Variants in CTNNA3 observed in about 807,000 individuals in gnomAD.
The protein encoded by CTNNA3 is catenin alpha-3.
Under a neutral mutation model 95.7 loss-of-function variants are expected in CTNNA3, and 76 were observed. The observed-to-expected ratio is 0.79, with a 90% CI of 0.66 to 0.96. The LOEUF (loss-of-function observed/expected upper bound fraction) is 0.96. Among genes scored for constraint, CTNNA3 ranks in the 40% least tolerant of loss-of-function variants. CTNNA3 has a pLI of 0.00. For synonymous variants in CTNNA3, 431 were observed against 374.4 expected (o/e 1.15, Z -1.74); for missense variants, 1,191 against 1,089.8 (o/e 1.09, Z -1.31).
intron 2 of CTNNA3, among the ~76,000 whole-genome samples, chr10:67,625,555 G>T (rs1415969544): frequency 6.6e-6 from 1 of 152,018 alleles, no homozygotes; most frequent in Non-Finnish European, 1.5e-5. Context: ...TAAATAAATT[G>T]GCTATACTTA....
At chr10:66,896,882 G>C (rs1250244020) in intron 7 of CTNNA3, among the ~76,000 whole-genome samples, 2 of 152,114 alleles carry the variant, frequency 1.3e-5, no homozygotes, top group African/African-American at 4.8e-5. Context: ...TGTGTTCCTT[G>C]TTGCGCTCCT....
At chr10:67,718,130 G>A (rs1356996083) in intron 1 of CTNNA3, among the ~76,000 whole-genome samples, 2 of 152,168 alleles carry the variant, frequency 1.3e-5, no homozygotes, top group African/African-American at 2.4e-5. Flanking sequence ...TGTTATTGGT[G>A]TATAGAAATG....
At chr10:65,946,717 G>A (rs943298646) in intron 17 of CTNNA3, among the ~76,000 whole-genome samples, 13 of 151,916 alleles carry the variant, frequency 8.6e-5, no homozygotes, top group Admixed American at 2.0e-4. Context: ...CAAATCTTTG[G>A]CATCTATTGT....
At chr10:67,394,795 T>G (rs1404216043) in intron 5 of CTNNA3, among the ~76,000 whole-genome samples, 1 of 152,102 alleles carries the variant, frequency 6.6e-6, no homozygotes, top group Non-Finnish European at 1.5e-5. Flanking sequence ...GCATTTTTTT[T>G]TATTACTACA....
At chr10:66,532,141 A>G (rs1841487404) in intron 10 of CTNNA3, among the ~76,000 whole-genome samples, 1 of 152,224 alleles carries the variant, frequency 6.6e-6, no homozygotes, top group African/African-American at 2.4e-5. Context: ...AGTGTGTTTC[A>G]TATAATAAGA....
At chr10:67,726,323 TATCTTAC>T (rs1841216001) in intron 1 of CTNNA3, among the ~76,000 whole-genome samples, 2 of 71,528 alleles carry the variant, frequency 2.8e-5, no homozygotes, top group South Asian at 1.3e-3. Context: ...TTATATATAT[TATCTTAC>T]ATATTATATA....
intron 4 of CTNNA3, among the ~76,000 whole-genome samples, chr10:67,527,711 T>C (rs181103839): frequency 6.6e-6 from 1 of 152,256 alleles, no homozygotes; most frequent in Non-Finnish European, 1.5e-5. Flanking sequence ...TCCTGAAGAC[T>C]GAGCACAATC....
intron 11 of CTNNA3, among the ~76,000 whole-genome samples, chr10:66,488,267 A>T (rs1839807262): frequency 6.6e-6 from 1 of 152,332 alleles, no homozygotes; most frequent in South Asian, 2.1e-4. Flanking sequence ...TTACCTTTAT[A>T]GTTAGCGATA....
rs540119245 is a variant in CTNNA3, at chr10:66,508,362, T to C, written c.1531+12255A>G. Among the ~76,000 whole-genome samples, 6 of 152,080 alleles carry C rather than the reference T, an allele frequency of 3.9e-5. 1 individual carries two copies. The South Asian group carries it at 1.2e-3, about 32-fold the overall frequency. On this transcript the variant is annotated intron_variant, in intron 11 of 17. Transcript: ENST00000433211. ...CGGCGTTCACTTCAGAAGGTACTTT[T>C]TAACTGCTCAGTTTTTGACTATTTT... is the stretch of plus-strand genomic sequence containing the variant.
At chr10:66,751,825 A>G (rs1839152582) in intron 9 of CTNNA3, among the ~76,000 whole-genome samples, 1 of 152,208 alleles carries the variant, frequency 6.6e-6, no homozygotes, top group Non-Finnish European at 1.5e-5. Context: ...AAACCCATAA[A>G]CTAACAAAAT....
At chr10:66,155,654 A>G (rs1045528776) in intron 13 of CTNNA3, among the ~76,000 whole-genome samples, 3 of 151,860 alleles carry the variant, frequency 2.0e-5, no homozygotes, top group Admixed American at 6.6e-5. Flanking sequence ...TATGTATGAG[A>G]AAAACATCAT....
At chr10:66,642,265 C>CAT (rs1214256523) in intron 9 of CTNNA3, among the ~76,000 whole-genome samples, 1 of 72,048 alleles carries the variant, frequency 1.4e-5, no homozygotes, top group Non-Finnish European at 3.2e-5. Context: ...TACACACACA[C>CAT]ACACACACAC....
intron 7 of CTNNA3, among the ~76,000 whole-genome samples, chr10:67,141,093 C>T (rs964385429): frequency 6.6e-6 from 1 of 152,168 alleles, no homozygotes; most frequent in Non-Finnish European, 1.5e-5. Context: ...TAGAGGCATG[C>T]TCCCTTGCCG....
chr10:67,101,328 A>G (rs1185508473), intron 7 of CTNNA3, among the ~76,000 whole-genome samples: 1 of 151,758 alleles, frequency 6.6e-6, no homozygotes, highest in Non-Finnish European at 1.5e-5. Context: ...AACTGAACAC[A>G]TGTTCAATTC....
chr10:66,360,658 T>TCTTTCTTC (rs2092652896), intron 12 of CTNNA3, among the ~76,000 whole-genome samples: 6 of 48,974 alleles, frequency 1.2e-4, no homozygotes, highest in African/African-American at 2.9e-4. Flanking sequence ...TTTCTTTCTT[T>TCTTTCTTC]CTTCCTTCCT....
intron 17 of CTNNA3, among the ~76,000 whole-genome samples, chr10:65,952,987 A>C (rs553982699): frequency 6.6e-6 from 1 of 152,360 alleles, no homozygotes; most frequent in African/African-American, 2.4e-5. Flanking sequence ...AGTACCAAAA[A>C]AATGCTGACC....
chr10:67,513,418 A>G (rs1451249998), intron 5 of CTNNA3, among the ~76,000 whole-genome samples: 1 of 152,176 alleles, frequency 6.6e-6, no homozygotes, highest in Admixed American at 6.5e-5. Context: ...TTTCTTCTTG[A>G]GTAGGAAAGT....
intron 7 of CTNNA3, among the ~76,000 whole-genome samples, chr10:67,027,902 T>C (rs754212643): frequency 6.6e-6 from 1 of 152,238 alleles, no homozygotes; most frequent in Non-Finnish European, 1.5e-5. Flanking sequence ...GTCATAATGA[T>C]GATGATATCA....
chr10:66,149,506 G>A (rs945662824), intron 13 of CTNNA3, among the ~76,000 whole-genome samples: 2 of 151,258 alleles, frequency 1.3e-5, no homozygotes, highest in African/African-American at 4.8e-5. Context: ...AAATCATTTT[G>A]TGGAATTCAC....
Sources: allele counts gnomAD v4.1 joint callset (sites outside exome capture counted in the v4.1 genomes callset), GRCh38; gene constraint gnomAD v4.1.1; transcripts MANE v1.5; gene names NCBI Gene and HGNC (gene_info 2026-07-23, HGNC 2026-07-21).